DPP6: variants seen among roughly 807,000 people sequenced by gnomAD.
The protein encoded by DPP6 is dipeptidyl peptidase like 6.
In DPP6, 69 loss-of-function variants were observed where a neutral mutation model predicts 122.6. The ratio of observed to expected loss-of-function variants is 0.56; its 90% CI spans 0.46 to 0.69. The LOEUF (loss-of-function observed/expected upper bound fraction) is 0.69. Among genes scored for constraint, DPP6 ranks in the 30% least tolerant of loss-of-function variants. The pLI is 0.00. For missense variants in DPP6, 928 were observed against 1,116.9 expected (o/e 0.83, Z 2.41); for synonymous variants, 418 against 433.1 (o/e 0.97, Z 0.43).
At chr7:154,137,665 G>GGGT (rs1795641289) in intron 1 of DPP6, among the ~76,000 whole-genome samples, 3 of 111,644 alleles carry the variant, frequency 2.7e-5, no homozygotes, top group Non-Finnish European at 5.7e-5. Context: ...GGGTGGGGGG[G>GGGT]GTGGGGCGAG....
the DPP6 span, among the ~76,000 whole-genome samples, chr7:153,783,814 G>A: frequency 2.0e-5 from 3 of 152,180 alleles, no homozygotes; most frequent in African/African-American, 7.2e-5. Context: ...CAAGAGAAGT[G>A]GATAGAATAT....
At chr7:154,136,102 T>C (rs1795543289) in intron 1 of DPP6, among the ~76,000 whole-genome samples, 3 of 152,320 alleles carry the variant, frequency 2.0e-5, no homozygotes, top group South Asian at 4.1e-4. Context: ...CTACCTCTCT[T>C]GTGTTTCTCC....
chr7:154,727,695 G>A, intron 7 of DPP6, 72 bp from the exon 8 acceptor site: 1 of 1,488,674 alleles, frequency 6.7e-7, no homozygotes, highest in Non-Finnish European at 9.0e-7. Flanking sequence ...GATGATTTCA[G>A]ATTTTTTAAG....
intron 6 of DPP6, among the ~76,000 whole-genome samples, chr7:154,660,245 TG>T: frequency 2.4e-5 from 1 of 42,456 alleles, no homozygotes. Context: ...CATATAGTCA[TG>T]GTGAATCACG....
chr7:154,744,574 C>T (rs1411651541), intron 8 of DPP6, among the ~76,000 whole-genome samples: 3 of 152,228 alleles, frequency 2.0e-5, no homozygotes, highest in Non-Finnish European at 4.4e-5. Context: ...GGCTGCGAGC[C>T]TTGCAAGGTA....
At chr7:154,708,059 A>G (rs1258270685) in intron 7 of DPP6, among the ~76,000 whole-genome samples, 2 of 152,224 alleles carry the variant, frequency 1.3e-5, no homozygotes, top group African/African-American at 4.8e-5. Flanking sequence ...AGGGAATGTG[A>G]GGGCAAAATA....
At chr7:154,655,579 G>A (rs1370015600) in intron 6 of DPP6, among the ~76,000 whole-genome samples, 1 of 152,204 alleles carries the variant, frequency 6.6e-6, no homozygotes, top group African/African-American at 2.4e-5. Flanking sequence ...ACACCTTCCT[G>A]CATTCTCTTT....
At chr7:154,338,746 A>G (rs1018620772) in intron 1 of DPP6, among the ~76,000 whole-genome samples, 2 of 152,198 alleles carry the variant, frequency 1.3e-5, no homozygotes, top group African/African-American at 2.4e-5. Flanking sequence ...ATAGAGGAAA[A>G]CAACCATTCT....
intron 6 of DPP6, among the ~76,000 whole-genome samples, chr7:154,668,047 C>T (rs6960806): frequency 0.017 from 2,523 of 150,588 alleles, 68 homozygotes; most frequent in African/African-American, 0.057. Flanking sequence ...TTCCAGTCCA[C>T]CATGTCCTTA....
chr7:153,783,421 C>G, the DPP6 span, among the ~76,000 whole-genome samples: 1 of 152,086 alleles, frequency 6.6e-6, no homozygotes, highest in African/African-American at 2.4e-5. Context: ...CTGGGGGGAA[C>G]CACACCCATA....
chr7:154,325,756 A>G (rs549138422), intron 1 of DPP6, among the ~76,000 whole-genome samples: 1 of 152,346 alleles, frequency 6.6e-6, no homozygotes, highest in South Asian at 2.1e-4. Context: ...ACATATGATT[A>G]ATAATCAGAG....
intron 17 of DPP6, among the ~76,000 whole-genome samples, chr7:154,862,752 C>G (rs1465940215): frequency 6.6e-6 from 1 of 152,182 alleles, no homozygotes; most frequent in Non-Finnish European, 1.5e-5. Flanking sequence ...CTGCCATGGG[C>G]CCAGCATGAT....
intron 1 of DPP6, among the ~76,000 whole-genome samples, chr7:154,436,611 A>G (rs980053649): frequency 4.7e-4 from 72 of 152,308 alleles, no homozygotes; most frequent in African/African-American, 1.7e-3. Flanking sequence ...GCTATTGTGA[A>G]ATATTATAAT....
intron 1 of DPP6, among the ~76,000 whole-genome samples, chr7:154,031,963 G>T (rs1451052004): frequency 1.3e-5 from 2 of 148,590 alleles, no homozygotes; most frequent in East Asian, 3.9e-4. Flanking sequence ...CTGGCTTCAT[G>T]CCATTCTCCT....
intron 7 of DPP6, among the ~76,000 whole-genome samples, chr7:154,686,801 G>A (rs1428880408): frequency 1.3e-5 from 2 of 151,712 alleles, no homozygotes; most frequent in East Asian, 1.9e-4. Context: ...TTTTTATTTC[G>A]GATGCATTTT....
chr7:154,227,172 A>G lies in DPP6; in HGVS notation c.243+174109A>G, dbSNP rs1219890279. 2.2e-5 allele frequency among the ~76,000 whole-genome samples: 3 copies of G among 136,550 alleles called. No homozygotes were observed. In the Admixed American group the frequency reaches 2.4e-4, roughly 11 times the overall value. The allele number at this position is 136,550 out of a possible 152,430, so 89.6% of individuals were successfully genotyped here. ...TCACAATAGCTGAGATGTGGAGACC[A>G]CCTAAAAGTCCATTGACAGATGAGT... is the stretch of plus-strand genomic sequence containing the variant. On this transcript the variant is annotated intron_variant, in intron 1 of 25. Coordinates refer to ENST00000377770, the MANE Select transcript of DPP6 (RefSeq NM_130797.4).
At chr7:154,609,680 A>G (rs1833788573) in intron 5 of DPP6, among the ~76,000 whole-genome samples, 1 of 152,210 alleles carries the variant, frequency 6.6e-6, no homozygotes, top group Non-Finnish European at 1.5e-5. Context: ...ACACAGTGGG[A>G]CAGTCTGTTC....
At chr7:154,826,515 C>T (rs1342724301) in intron 16 of DPP6, among the ~76,000 whole-genome samples, 1 of 152,122 alleles carries the variant, frequency 6.6e-6, no homozygotes, top group Non-Finnish European at 1.5e-5. Flanking sequence ...TCCATTTCTC[C>T]ACCAACACCC....
At chr7:154,885,875 C>T in intron 22 of DPP6, 131 bp downstream of exon 22, 2 of 1,244,524 alleles carry the variant, frequency 1.6e-6, no homozygotes, top group Non-Finnish European at 1.1e-6. Flanking sequence ...GCCACAGTCA[C>T]CACCTTGGGC....
Sources: allele counts gnomAD v4.1 joint callset (sites outside exome capture counted in the v4.1 genomes callset), GRCh38; gene constraint gnomAD v4.1.1; transcripts MANE v1.5; gene names NCBI Gene and HGNC (gene_info 2026-07-23, HGNC 2026-07-21).